TBC1D8: variants seen among roughly 807,000 people sequenced by gnomAD.
The protein encoded by TBC1D8 is BUB2-like protein 1.
In TBC1D8, 65 loss-of-function variants were observed where a neutral mutation model predicts 118.8. That is an observed-to-expected ratio of 0.55 (90% confidence interval 0.45 to 0.67). The LOEUF is 0.67. Among genes scored for constraint, TBC1D8 ranks in the 30% least tolerant of loss-of-function variants. TBC1D8 has a pLI of 0.00. For missense variants in TBC1D8, 1,376 were observed against 1,471.2 expected, an observed-to-expected ratio of 0.94 and a Z score of 1.06; for synonymous variants, 566 against 595.8, an observed-to-expected ratio of 0.95 and a Z score of 0.73.
chr2:101,139,878 A>C (rs544781416), intron 1 of TBC1D8, among the ~76,000 whole-genome samples: 3 of 151,726 alleles, frequency 2.0e-5, no homozygotes, highest in Non-Finnish European at 4.4e-5. Flanking sequence ...ACCATTGATA[A>C]CTCAGTGTTT....
chr2:101,042,748 TA>T lies in TBC1D8; in HGVS notation c.873-2364del, dbSNP rs71250693. Among the ~76,000 whole-genome samples, 848 of 143,038 alleles carry T rather than the reference TA, an allele frequency of 5.9e-3. 5 individuals carry two copies. The highest frequency in any genetic ancestry group is 0.015 in the African/African-American group (600 of 38,922). The allele number at this position is 143,038 out of a possible 152,430, so 93.8% of individuals were successfully genotyped here. On this transcript the variant is annotated intron_variant, in intron 5 of 19. Transcript: ENST00000409318. ...TTTCTACATGACTACATATTAGCTTTAAAAAAAAAAAAAACCTTAGCTATTT... is the reference window on the plus strand; with the variant it reads ...TTTCTACATGACTACATATTAGCTTTAAAAAAAAAAAAACCTTAGCTATTT...
chr2:101,020,319 T>C (rs1380318034), intron 17 of TBC1D8, among the ~76,000 whole-genome samples: 1 of 147,306 alleles, frequency 6.8e-6, no homozygotes, highest in Non-Finnish European at 1.5e-5. Flanking sequence ...ATGACAACTA[T>C]GGAAAGATGA....
At chr2:101,117,187 T>G (rs752393200) in intron 1 of TBC1D8, among the ~76,000 whole-genome samples, 1 of 152,126 alleles carries the variant, frequency 6.6e-6, no homozygotes, top group Non-Finnish European at 1.5e-5. Context: ...AGAGGGAGCA[T>G]GGTGGACAAG....
intron 2 of TBC1D8, among the ~76,000 whole-genome samples, chr2:101,084,350 G>T (rs538071934): frequency 6.6e-6 from 1 of 152,260 alleles, no homozygotes; most frequent in African/African-American, 2.4e-5. Flanking sequence ...GAAGTTCAAG[G>T]CCAGCCTGGC....
chr2:101,106,463 G>A (rs1372097810), intron 1 of TBC1D8, among the ~76,000 whole-genome samples: 4 of 152,328 alleles, frequency 2.6e-5, no homozygotes, highest in Admixed American at 6.5e-5. Flanking sequence ...GCCTCAGTGC[G>A]AGGAGTGAGG....
At chr2:101,072,388 AAG>A (rs1172236567) in intron 2 of TBC1D8, among the ~76,000 whole-genome samples, 1 of 151,978 alleles carries the variant, frequency 6.6e-6, no homozygotes, top group Non-Finnish European at 1.5e-5. Flanking sequence ...GAGAGAGAAA[AAG>A]AGAGCACAAA....
At chr2:101,097,234 A>G (rs1304917844) in intron 1 of TBC1D8, among the ~76,000 whole-genome samples, 1 of 152,128 alleles carries the variant, frequency 6.6e-6, no homozygotes, top group Non-Finnish European at 1.5e-5. Flanking sequence ...ATCCTTCAAA[A>G]TTGAAGAAAT....
intron 5 of TBC1D8, among the ~76,000 whole-genome samples, chr2:101,042,749 A>T (rs888796193): frequency 4.9e-5 from 6 of 121,566 alleles, no homozygotes; most frequent in Admixed American, 1.7e-4. Flanking sequence ...TATTAGCTTT[A>T]AAAAAAAAAA....
intron 3 of TBC1D8, among the ~76,000 whole-genome samples, chr2:101,056,969 G>GTGCT (rs1682474716): frequency 6.6e-6 from 1 of 152,202 alleles, no homozygotes; most frequent in Non-Finnish European, 1.5e-5. Context: ...ATGTCATGCT[G>GTGCT]TGCTCCCAGG....
chr2:101,038,702 G>A (rs764997406), intron 6 of TBC1D8, 47 bp from the exon 7 acceptor site: 1 of 1,599,612 alleles, frequency 6.3e-7, no homozygotes, highest in Non-Finnish European at 8.5e-7. Context: ...GAGGAAGGTA[G>A]GCATGTTATT....
At chr2:101,062,882 C>T (rs538663380) in intron 2 of TBC1D8, among the ~76,000 whole-genome samples, 21 of 152,256 alleles carry the variant, frequency 1.4e-4, no homozygotes, top group Admixed American at 2.6e-4. Context: ...CCTCGTGATC[C>T]GCCCGCCTTG....
At chr2:101,009,044 T>TGA (rs1364694092) in intron 19 of TBC1D8, among the ~76,000 whole-genome samples, 1 of 152,162 alleles carries the variant, frequency 6.6e-6, no homozygotes, top group African/African-American at 2.4e-5. Context: ...ATACGTAATG[T>TGA]GAGGACAGGT....
chr2:101,085,867 C>T (rs1001368776), intron 2 of TBC1D8, among the ~76,000 whole-genome samples: 6 of 152,192 alleles, frequency 3.9e-5, no homozygotes, highest in Non-Finnish European at 7.3e-5. Context: ...ACAGGCCGGG[C>T]GCGGCGGCTC....
At chr2:101,148,341 C>A (rs1469223376) in intron 1 of TBC1D8, among the ~76,000 whole-genome samples, 3 of 152,154 alleles carry the variant, frequency 2.0e-5, no homozygotes, top group African/African-American at 7.2e-5. Flanking sequence ...ATACAGTCAC[C>A]CATCCATTCA....
At chr2:101,047,430 C>G (rs1252172995) in intron 5 of TBC1D8, among the ~76,000 whole-genome samples, 1 of 152,176 alleles carries the variant, frequency 6.6e-6, no homozygotes, top group African/African-American at 2.4e-5. Flanking sequence ...AAGGGACCAA[C>G]CAAAGAGAGC....
intron 2 of TBC1D8, among the ~76,000 whole-genome samples, chr2:101,082,315 G>T (rs1047789616): frequency 3.3e-5 from 5 of 152,106 alleles, no homozygotes; most frequent in Non-Finnish European, 7.4e-5. Flanking sequence ...AAGACCATCA[G>T]ATACGTAGAA....
intron 4 of TBC1D8, among the ~76,000 whole-genome samples, chr2:101,051,032 AT>A (rs1345569867): frequency 1.3e-5 from 2 of 152,162 alleles, no homozygotes; most frequent in East Asian, 3.9e-4. Context: ...TTGCGTGTTA[AT>A]TTGCAAAGCA....
At chr2:101,082,891 C>A (rs1675360266) in intron 2 of TBC1D8, among the ~76,000 whole-genome samples, 1 of 152,110 alleles carries the variant, frequency 6.6e-6, no homozygotes, top group South Asian at 2.1e-4. Context: ...CTTCATGCCA[C>A]CAACCTGTAC....
intron 1 of TBC1D8, among the ~76,000 whole-genome samples, chr2:101,118,814 A>C (rs796056): frequency 0.66 from 100,945 of 152,026 alleles, 33,873 homozygotes; most frequent in East Asian, 0.78. Context: ...TCGAGACCAG[A>C]CCGGGCAACA....
Sources: allele counts gnomAD v4.1 joint callset (sites outside exome capture counted in the v4.1 genomes callset), GRCh38; gene constraint gnomAD v4.1.1; transcripts MANE v1.5; gene names NCBI Gene and HGNC (gene_info 2026-07-23, HGNC 2026-07-21).